Variants in TYR observed in about 807,000 individuals in gnomAD.
TYR encodes LB24-AB.
In TYR, 58 loss-of-function variants were observed where a neutral mutation model predicts 51.5. That is an observed-to-expected ratio of 1.13 (90% CI 0.91 to 1.40). The LOEUF (loss-of-function observed/expected upper bound fraction) is 1.40. Among genes scored for constraint, TYR ranks in the 40% most tolerant of loss-of-function variants. TYR has a pLI of 0.00. For missense variants in TYR, 732 were observed against 647.4 expected (o/e 1.13, Z -1.42); for synonymous variants, 263 against 235.2 (o/e 1.12, Z -1.08).
At chr11:89,269,223 C>T (rs746195379) in intron 3 of TYR, among the ~76,000 whole-genome samples, 2 of 151,898 alleles carry the variant, frequency 1.3e-5, no homozygotes, top group Non-Finnish European at 2.9e-5. Flanking sequence ...AGGGGTGAGG[C>T]TTTGAAGGCC....
chr11:89,209,867 T>C (rs72963168), intron 2 of TYR, among the ~76,000 whole-genome samples: 24,552 of 152,122 alleles, frequency 0.16, 2,743 homozygotes, highest in Non-Finnish European at 0.26. Flanking sequence ...GACCTGCAGC[T>C]CAGGGGCCTG....
intron 3 of TYR, among the ~76,000 whole-genome samples, chr11:89,256,253 A>G (rs527678037): frequency 1.1e-4 from 16 of 151,944 alleles, no homozygotes; most frequent in African/African-American, 3.6e-4. Flanking sequence ...AACGTAAGTT[A>G]TTGCCTGTAA....
At chr11:89,192,036 G>A (rs767035102) in intron 2 of TYR, 8 of 454,210 alleles carry the variant, frequency 1.8e-5, no homozygotes, top group African/African-American at 1.4e-4. Context: ...TTTGAGGTAA[G>A]TTCATTCATT....
intron 3 of TYR, among the ~76,000 whole-genome samples, chr11:89,278,402 G>A (rs1053425586): frequency 9.9e-5 from 15 of 151,546 alleles, no homozygotes; most frequent in African/African-American, 3.6e-4. Flanking sequence ...CCCAGAGCCA[G>A]TTTATTATAG....
chr11:89,212,407 T>A (rs371775392), intron 2 of TYR, among the ~76,000 whole-genome samples: 3 of 152,278 alleles, frequency 2.0e-5, no homozygotes, highest in African/African-American at 7.2e-5. Context: ...AATCTCTGAA[T>A]AGACCAATAA....
At chr11:89,246,288 A>G (rs934240906) in intron 3 of TYR, among the ~76,000 whole-genome samples, 2 of 152,164 alleles carry the variant, frequency 1.3e-5, no homozygotes, top group Non-Finnish European at 2.9e-5. Flanking sequence ...CTTTTGTGTG[A>G]TCTTAGGAAA....
At chr11:89,182,362 G>A (rs866305933) in intron 1 of TYR, among the ~76,000 whole-genome samples, 1 of 152,054 alleles carries the variant, frequency 6.6e-6, no homozygotes, top group South Asian at 2.1e-4. Context: ...TTTTTTTATA[G>A]CACTGGATTC....
At chr11:89,242,253 G>T (rs765075781) in intron 3 of TYR, among the ~76,000 whole-genome samples, 3 of 152,012 alleles carry the variant, frequency 2.0e-5, no homozygotes, top group Non-Finnish European at 2.9e-5. Context: ...TGTTGTCCAG[G>T]CTGGAGTGCA....
intron 2 of TYR, among the ~76,000 whole-genome samples, chr11:89,210,959 G>A (rs1005568975): frequency 2.6e-5 from 4 of 152,122 alleles, no homozygotes; most frequent in Admixed American, 1.3e-4. Context: ...ACTCCTGAAG[G>A]AAGCACTAAA....
At chr11:89,212,509 C>G (rs929249329) in intron 2 of TYR, among the ~76,000 whole-genome samples, 4 of 152,118 alleles carry the variant, frequency 2.6e-5, no homozygotes, top group African/African-American at 9.7e-5. Flanking sequence ...ACCAGAGGTA[C>G]AAAGAGGAGC....
At chr11:89,180,110 A>G (rs945568164) in intron 1 of TYR, among the ~76,000 whole-genome samples, 6 of 152,176 alleles carry the variant, frequency 3.9e-5, no homozygotes, top group Admixed American at 2.0e-4. Flanking sequence ...TTAGTCAGCT[A>G]TTTACCAAAT....
intron 2 of TYR, among the ~76,000 whole-genome samples, chr11:89,205,188 A>G (rs10830240): frequency 0.24 from 36,480 of 152,048 alleles, 4,567 homozygotes; most frequent in Non-Finnish European, 0.28. Flanking sequence ...GAACTGGAAG[A>G]TAGAAAAATA....
At chr11:89,291,105 A>G (rs772748262) in intron 4 of TYR, among the ~76,000 whole-genome samples, 4 of 151,986 alleles carry the variant, frequency 2.6e-5, no homozygotes, top group Non-Finnish European at 4.4e-5. Context: ...CATTAAAACA[A>G]ATCTTTCCTT....
chr11:89,231,899 C>A (rs1308264452), intron 3 of TYR, among the ~76,000 whole-genome samples: 1 of 138,172 alleles, frequency 7.2e-6, no homozygotes, highest in Non-Finnish European at 1.5e-5. Flanking sequence ...GTAACAGAAT[C>A]TCTTGAACCT....
rs1042602 is a variant in TYR, at chr11:89,178,528, C to A, written c.575C>A (p.Ser192Tyr). ...YVSMDALLGG[S>Y]EIWRDIDFAH... ...TCAATGGATGCACTGCTTGGGGGAT[C>A]TGAAATCTGGAGAGACATTGATTTT... The change falls in exon 1 of 5, where the codon TCT becomes TAT. Residue 192 changes from serine to tyrosine, a missense_variant. Ser to Tyr is a moderately radical substitution (Grantham distance 144). Transcript: ENST00000263321. 0.31 allele frequency: 507,529 copies of A among 1,613,856 alleles called. 90,450 individuals carry two copies. Among genetic ancestry groups the A allele is most frequent in the Non-Finnish European group, 0.37 (432,912 of 1,179,856 alleles).
At chr11:89,198,562 C>A (rs1368717997) in intron 2 of TYR, among the ~76,000 whole-genome samples, 1 of 152,076 alleles carries the variant, frequency 6.6e-6, no homozygotes, top group Non-Finnish European at 1.5e-5. Context: ...AATAAGAATT[C>A]CTATGTGCCA....
intron 3 of TYR, among the ~76,000 whole-genome samples, chr11:89,243,705 C>G (rs1297788662): frequency 2.0e-5 from 3 of 152,144 alleles, no homozygotes; most frequent in South Asian, 2.1e-4. Context: ...AGTGTGTTAA[C>G]TAGCAAACTG....
intron 2 of TYR, among the ~76,000 whole-genome samples, chr11:89,197,672 C>A (rs934298331): frequency 2.6e-5 from 4 of 151,602 alleles, no homozygotes; most frequent in African/African-American, 7.3e-5. Context: ...AGAGCTTGAT[C>A]TAAAGTAGTG....
chr11:89,229,825 T>A (rs974838018), intron 3 of TYR, among the ~76,000 whole-genome samples: 1 of 151,644 alleles, frequency 6.6e-6, no homozygotes, highest in Non-Finnish European at 1.5e-5. Context: ...TACTTAGGAG[T>A]AAGTTTATCC....
Sources: gnomAD v4.1 joint callset for allele counts (sites outside exome capture counted in the v4.1 genomes callset) on GRCh38, gnomAD v4.1.1 for gene constraint, MANE v1.5 for transcripts, NCBI Gene and HGNC (gene_info 2026-07-23, HGNC 2026-07-21) for gene names.